SNAP29: variants seen among roughly 807,000 people sequenced by gnomAD.
The protein encoded by SNAP29 is synaptosomal-associated protein 29.
Under a neutral mutation model 27.9 loss-of-function variants are expected in SNAP29, and 13 were observed. That is an observed-to-expected ratio of 0.47 (90% CI 0.30 to 0.74). The LOEUF (loss-of-function observed/expected upper bound fraction) is 0.74, where lower values mean the gene tolerates loss of function less well. Ranked by LOEUF, SNAP29 falls within the 30% of genes least tolerant of loss-of-function variation. The pLI is 0.06. For missense variants in SNAP29, 368 were observed against 336.5 expected (o/e 1.09, Z -0.73); for synonymous variants, 119 against 127.1 (o/e 0.94, Z 0.43).
At chr22:20,884,304 C>T (rs112440283) in intron 4 of SNAP29, among the ~76,000 whole-genome samples, 10,326 of 151,182 alleles carry the variant, frequency 0.068, 485 homozygotes, top group Non-Finnish European at 0.1. Context: ...TGCACTCCAA[C>T]CTGGGCAACA....
intron 1 of SNAP29, among the ~76,000 whole-genome samples, chr22:20,863,695 A>C (rs1440819779): frequency 6.6e-6 from 1 of 151,738 alleles, no homozygotes; most frequent in African/African-American, 2.4e-5. Flanking sequence ...TTTAATTTTT[A>C]TGAAGAGAGA....
Position 20,866,719 on chromosome 22 carries a change from C to T in SNAP29, c.238-3618C>T, listed in dbSNP as rs190240388. Among the ~76,000 whole-genome samples the T allele has an allele frequency of 1.7e-3, 256 of 152,258 alleles. 2 individuals carry two copies. The highest frequency in any genetic ancestry group is 5.9e-3 in the African/African-American group (247 of 41,536). ...TCCTCTGCCCCTGCACAAGCTGCAC[C>T]CTCTGCCTGGTGCCCTTGCCCCACC... On this transcript the variant is annotated intron_variant, in intron 1 of 4. Transcript: ENST00000215730.
chr22:20,888,413 A>T lies in SNAP29; in HGVS notation c.*577A>T, dbSNP rs1217179415. On this transcript the variant is annotated 3_prime_UTR_variant, in exon 5 of 5. Coordinates refer to ENST00000215730, the MANE Select transcript of SNAP29 (RefSeq NM_004782.4). ...CCTCCCAGAAAGGATCAGTGTTAGA[A>T]TGGGAAATAGAGTGTGCCATCTTGC... 5.6e-6 allele frequency: 1 copy of T among 178,438 alleles called. No homozygotes were observed. The highest frequency in any genetic ancestry group is 1.2e-5 in the Non-Finnish European group (1 of 83,964). The allele number at this position is 178,438 out of a possible 1,614,324, so 11.1% of individuals were successfully genotyped here. A position where few individuals can be genotyped will look rare whatever the true frequency, so the allele number is the denominator to read the frequency against.
At chr22:20,885,102 C>T (rs1340520367) in intron 4 of SNAP29, among the ~76,000 whole-genome samples, 1 of 152,094 alleles carries the variant, frequency 6.6e-6, no homozygotes, top group Non-Finnish European at 1.5e-5. Context: ...ATGGAAAAGT[C>T]AGTTACTTGA....
chr22:20,859,184 G>A lies in SNAP29; in HGVS notation c.74G>A (p.Trp25Ter). Residue 25 changes from tryptophan (W) to a stop codon, truncating the protein, a stop_gained, in exon 1 of 5, where the codon TGG becomes TAG. Coordinates refer to ENST00000215730, the MANE Select transcript of SNAP29 (RefSeq NM_004782.4). LOFTEE classifies it high-confidence loss of function. Reference sequence around the variant, plus strand: ...GACGAAGGCGCCCGGCCGGCCCCTTGGAGGGACGCCCGAGACCTCCCCGAC... The same window carrying A: ...GACGAAGGCGCCCGGCCGGCCCCTTAGAGGGACGCCCGAGACCTCCCCGAC... Reference protein sequence around the residue: ...GEDEGARPAPWRDARDLPDGP... With the variant: ...GEDEGARPAP 1.2e-6 allele frequency: 2 copies of A among 1,604,050 alleles called. No individual in the cohort carries two copies. Among genetic ancestry groups the A allele is most frequent in the Non-Finnish European group, 1.7e-6 (2 of 1,176,684 alleles).
chr22:20,874,271 C>T (rs1975420310), intron 2 of SNAP29, among the ~76,000 whole-genome samples: 1 of 151,108 alleles, frequency 6.6e-6, no homozygotes, highest in South Asian at 2.1e-4. Context: ...CACTGCACTC[C>T]AGCCTGGGCG....
At chr22:20,887,181 T>C (rs1259895181) in intron 4 of SNAP29, among the ~76,000 whole-genome samples, 9 of 149,948 alleles carry the variant, frequency 6.0e-5, no homozygotes, top group Non-Finnish European at 1.0e-4. Context: ...GCCGAGATCA[T>C]GGCACTGCAC....
rs1171975507 is a variant in SNAP29, at chr22:20,890,820, A to C, written c.*2984A>C. 2.6e-5 allele frequency: 4 copies of C among 151,434 alleles called. No homozygotes were observed. The Admixed American group carries it at 2.7e-4, about 10-fold the overall frequency. 9.4% of individuals were successfully genotyped at this position (151,434 alleles called of 1,614,324 possible). ...GCTGGTCACGGTGGCTCACGCCTGTAATCTCAGCACTTTGGAAGGCCAAGG... is the reference window on the plus strand; with the variant it reads ...GCTGGTCACGGTGGCTCACGCCTGTCATCTCAGCACTTTGGAAGGCCAAGG... On this transcript the variant is annotated 3_prime_UTR_variant, in exon 5 of 5. Transcript: ENST00000215730.
At chr22:20,859,425 A>G (rs2147855503) in intron 1 of SNAP29, 78 bp downstream of exon 1, 3 of 1,085,446 alleles carry the variant, frequency 2.8e-6, no homozygotes, top group South Asian at 1.3e-5. Flanking sequence ...TTTGCTCACA[A>G]TCTTTTGAGA....
intron 2 of SNAP29, among the ~76,000 whole-genome samples, chr22:20,873,988 A>G (rs1187898716): frequency 1.4e-5 from 2 of 147,498 alleles, no homozygotes; most frequent in African/African-American, 5.0e-5. Context: ...AAAAAAAAAA[A>G]AAAAAGGCCG....
chr22:20,888,377 G>C lies in SNAP29; in HGVS notation c.*541G>C. The C allele has an allele frequency of 5.3e-6, 1 of 189,564 alleles. No individual in the cohort carries two copies. Among genetic ancestry groups the C allele is most frequent in the Non-Finnish European group, 1.1e-5 (1 of 93,798 alleles). 11.7% of individuals were successfully genotyped at this position (189,564 alleles called of 1,614,324 possible). ...CACACTCTCTGAGCACATTATCTGTGATTCTTTCATCCTCCCAGAAAGGAT... is the reference window on the plus strand; with the variant it reads ...CACACTCTCTGAGCACATTATCTGTCATTCTTTCATCCTCCCAGAAAGGAT... On this transcript the variant is annotated 3_prime_UTR_variant, in exon 5 of 5. Coordinates refer to ENST00000215730, the MANE Select transcript of SNAP29 (RefSeq NM_004782.4).
chr22:20,885,430 C>A (rs1202111431), intron 4 of SNAP29, among the ~76,000 whole-genome samples: 1 of 152,118 alleles, frequency 6.6e-6, no homozygotes, highest in African/African-American at 2.4e-5. Context: ...CCTTCTATGC[C>A]CTGGACTCTG....
rs776622781 is a variant in SNAP29 at position 20,859,160 on chromosome 22, A to G, written c.50A>G (p.Asp17Gly). 2 of 1,607,020 alleles carry G rather than the reference A, an allele frequency of 1.2e-6. No homozygotes were observed. Among genetic ancestry groups the G allele is most frequent in the Non-Finnish European group, 1.7e-6 (2 of 1,177,972 alleles). The change falls in exon 1 of 5, where the codon GAC becomes GGC. Residue 17 changes from aspartate to glycine, a missense_variant. Physicochemically the swap from Asp to Gly is moderately conservative, Grantham distance 94. Coordinates refer to ENST00000215730, the MANE Select transcript of SNAP29 (RefSeq NM_004782.4). ...AATCCGTTCGACGACGACGGGGAGG[A>G]CGAAGGCGCCCGGCCGGCCCCTTGG... ...SYNPFDDDGE[D>G]EGARPAPWRD...
chr22:20,870,325 C>T lies in SNAP29; in HGVS notation c.238-12C>T, dbSNP rs373576052. The T allele has an allele frequency of 5.6e-6, 9 of 1,613,820 alleles. No individual in the cohort carries two copies. Among genetic ancestry groups the T allele is most frequent in the Middle Eastern group, 1.6e-4 (1 of 6,066 alleles). ...AGAAAGCTATAATGCCACTGCCTCT[C>T]GGTTTCCCCAGGAGCTCGCCCGTCA... On this transcript the variant is annotated splice_polypyrimidine_tract_variant and intron_variant, in intron 1 of 4. Transcript: ENST00000215730.
At chr22:20,859,585 A>AT (rs561405736) in intron 1 of SNAP29, 5,527 of 512,268 alleles carry the variant, frequency 0.011, 5 homozygotes, top group South Asian at 0.024. Context: ...TGCTTCGTTG[A>AT]TTTTTTTTTT....
intron 2 of SNAP29, among the ~76,000 whole-genome samples, chr22:20,875,065 G>A (rs574832143): frequency 6.6e-6 from 1 of 152,136 alleles, no homozygotes; most frequent in South Asian, 2.1e-4. Flanking sequence ...ACATAGCTAT[G>A]AAAGCCATGG....
At chr22:20,860,451 C>T (rs1928259900) in intron 1 of SNAP29, among the ~76,000 whole-genome samples, 1 of 149,268 alleles carries the variant, frequency 6.7e-6, no homozygotes, top group Non-Finnish European at 1.5e-5. Context: ...CTCACTGCAA[C>T]TTCCGCCTCC....
chr22:20,879,884 G>A (rs1482908294), intron 2 of SNAP29, among the ~76,000 whole-genome samples: 3 of 150,606 alleles, frequency 2.0e-5, no homozygotes, highest in East Asian at 1.9e-4. Context: ...AAGCCAGGCA[G>A]GGTGGTGAGT....
intron 2 of SNAP29, among the ~76,000 whole-genome samples, chr22:20,874,321 C>CACACAG (rs1928678828): frequency 6.9e-6 from 1 of 145,036 alleles, no homozygotes; most frequent in Non-Finnish European, 1.5e-5. Context: ...CACACAGACA[C>CACACAG]ACACACACAC....
Sources: gnomAD v4.1 joint callset for allele counts (sites outside exome capture counted in the v4.1 genomes callset) on GRCh38, gnomAD v4.1.1 for gene constraint, MANE v1.5 for transcripts, NCBI Gene and HGNC (gene_info 2026-07-23, HGNC 2026-07-21) for gene names.